NR3C2: variants seen among roughly 807,000 people sequenced by gnomAD.
NR3C2 encodes the protein mineralocorticoid receptor.
Under a neutral mutation model 86.4 loss-of-function variants are expected in NR3C2, and 15 were observed. The observed-to-expected ratio is 0.17, with a 90% CI of 0.12 to 0.27. NR3C2 has a LOEUF of 0.27. Ranked by LOEUF, NR3C2 falls within the 10% of genes least tolerant of loss-of-function variation. The pLI, the probability that NR3C2 is intolerant of heterozygous loss-of-function variation, is 1.00. For synonymous variants in NR3C2, 458 were observed against 450.5 expected, an observed-to-expected ratio of 1.02 and a Z score of -0.21; for missense variants, 960 against 1,195.6, an observed-to-expected ratio of 0.80 and a Z score of 2.91.
At chr4:148,199,054 C>CT (rs1736582893) in intron 3 of NR3C2, among the ~76,000 whole-genome samples, 1 of 138,880 alleles carries the variant, frequency 7.2e-6, no homozygotes, top group Non-Finnish European at 1.5e-5. Flanking sequence ...GCACTCCAGC[C>CT]TAGGCGACAG....
At chr4:148,272,418 CTGAG>C (rs1204559280) in intron 2 of NR3C2, among the ~76,000 whole-genome samples, 3 of 152,094 alleles carry the variant, frequency 2.0e-5, no homozygotes, top group Non-Finnish European at 4.4e-5. Context: ...CTCAGGAGTA[CTGAG>C]TGAGGATTGA....
intron 6 of NR3C2, among the ~76,000 whole-genome samples, chr4:148,141,467 C>CAT (rs57071879): frequency 2.0e-5 from 3 of 151,570 alleles, no homozygotes; most frequent in Non-Finnish European, 2.9e-5. Context: ...CACACACACA[C>CAT]GTATTTTGCT....
At chr4:148,366,444 A>G (rs1746129375) in intron 2 of NR3C2, among the ~76,000 whole-genome samples, 1 of 152,016 alleles carries the variant, frequency 6.6e-6, no homozygotes, top group South Asian at 2.1e-4. Context: ...ACTTTTTTAA[A>G]AGTACTTTTA....
chr4:148,160,390 CT>C (rs1734602403), intron 4 of NR3C2, among the ~76,000 whole-genome samples: 2 of 151,396 alleles, frequency 1.3e-5, no homozygotes, highest in Non-Finnish European at 2.9e-5. Flanking sequence ...CCTTTTTTTG[CT>C]TTGCTCTACC....
intron 8 of NR3C2, among the ~76,000 whole-genome samples, chr4:148,089,119 T>G (rs924457265): frequency 2.6e-5 from 4 of 152,196 alleles, no homozygotes; most frequent in African/African-American, 4.8e-5. Flanking sequence ...TTGAGTCAGA[T>G]AGTAAATAAC....
At chr4:148,269,151 T>C (rs1188525076) in intron 2 of NR3C2, among the ~76,000 whole-genome samples, 1 of 151,986 alleles carries the variant, frequency 6.6e-6, no homozygotes, top group East Asian at 1.9e-4. Flanking sequence ...AAAACCAACA[T>C]TTCCAGTTAG....
chr4:148,213,197 A>G (rs1026071174), intron 3 of NR3C2, among the ~76,000 whole-genome samples: 1 of 152,034 alleles, frequency 6.6e-6, no homozygotes, highest in African/African-American at 2.4e-5. Flanking sequence ...GCCTCAACAC[A>G]GTGCCACAGC....
chr4:148,108,115 TTTTA>T (rs1731887060), intron 8 of NR3C2, among the ~76,000 whole-genome samples: 1 of 152,214 alleles, frequency 6.6e-6, no homozygotes, highest in South Asian at 2.1e-4. Flanking sequence ...TTTTTGTTTT[TTTTA>T]TTTGAGACAG....
intron 2 of NR3C2, among the ~76,000 whole-genome samples, chr4:148,431,008 T>C (rs1749776630): frequency 6.6e-6 from 1 of 152,202 alleles, no homozygotes; most frequent in Admixed American, 6.5e-5. Flanking sequence ...TTTAAAAGTC[T>C]AAGTCAATGT....
At chr4:148,136,336 T>G (rs1733342050) in intron 6 of NR3C2, among the ~76,000 whole-genome samples, 1 of 147,592 alleles carries the variant, frequency 6.8e-6, no homozygotes, top group African/African-American at 2.5e-5. Flanking sequence ...GGAGAAAGAG[T>G]GGGGGACCAG....
chr4:148,429,925 C>A (rs989957324), intron 2 of NR3C2, among the ~76,000 whole-genome samples: 4 of 151,994 alleles, frequency 2.6e-5, no homozygotes, highest in African/African-American at 9.7e-5. Flanking sequence ...ATGAACAGTA[C>A]AAAACTAAAG....
At chr4:148,151,410 T>C (rs1052732209) in intron 6 of NR3C2, among the ~76,000 whole-genome samples, 1 of 152,218 alleles carries the variant, frequency 6.6e-6, no homozygotes, top group Non-Finnish European at 1.5e-5. Flanking sequence ...TGTTTGGCCT[T>C]ACTTCATGCT....
chr4:148,240,181 T>C (rs973978506), intron 3 of NR3C2, among the ~76,000 whole-genome samples: 18 of 150,206 alleles, frequency 1.2e-4, no homozygotes, highest in Admixed American at 3.3e-4. Flanking sequence ...TTTAATGTTA[T>C]TAAAAATGTA....
chr4:148,158,897 A>C (rs1316520017), intron 4 of NR3C2, among the ~76,000 whole-genome samples: 1 of 152,190 alleles, frequency 6.6e-6, no homozygotes, highest in African/African-American at 2.4e-5. Flanking sequence ...TGATTTTGTG[A>C]ATATATGTAG....
At chr4:148,412,240 G>C (rs550572694) in intron 2 of NR3C2, among the ~76,000 whole-genome samples, 1 of 152,256 alleles carries the variant, frequency 6.6e-6, no homozygotes, top group South Asian at 2.1e-4. Flanking sequence ...ACATCAGTGG[G>C]TGGCTTTCAT....
At chr4:148,259,217 C>T (rs1192266339) in intron 3 of NR3C2, among the ~76,000 whole-genome samples, 1 of 152,156 alleles carries the variant, frequency 6.6e-6, no homozygotes, top group African/African-American at 2.4e-5. Flanking sequence ...GTCCATTACA[C>T]AATGAATCTT....
intron 2 of NR3C2, among the ~76,000 whole-genome samples, chr4:148,389,715 T>A (rs1336417195): frequency 1.3e-5 from 2 of 152,122 alleles, no homozygotes; most frequent in Non-Finnish European, 2.9e-5. Context: ...ATATCTTATA[T>A]CTTCTATACA....
At chr4:148,430,627 C>T (rs911898880) in intron 2 of NR3C2, among the ~76,000 whole-genome samples, 1 of 151,976 alleles carries the variant, frequency 6.6e-6, no homozygotes, top group Non-Finnish European at 1.5e-5. Flanking sequence ...CCCAAATGAC[C>T]TAAGCAATGC....
intron 4 of NR3C2, among the ~76,000 whole-genome samples, chr4:148,180,492 G>C (rs967457308): frequency 1.3e-5 from 2 of 152,014 alleles, no homozygotes; most frequent in Non-Finnish European, 2.9e-5. Context: ...TAGTGTTAAT[G>C]CTTCTCTTTT....
Sources: gnomAD v4.1 joint callset for allele counts (sites outside exome capture counted in the v4.1 genomes callset) on GRCh38, gnomAD v4.1.1 for gene constraint, MANE v1.5 for transcripts, NCBI Gene and HGNC (gene_info 2026-07-23, HGNC 2026-07-21) for gene names.